The following DSCAM variants were observed in gnomAD, a reference collection of about 807,000 sequenced individuals.
The protein encoded by DSCAM is cell adhesion molecule DSCAM.
Under a neutral mutation model 217.7 loss-of-function variants are expected in DSCAM, and 47 were observed. The ratio of observed to expected loss-of-function variants is 0.22; its 90% CI spans 0.17 to 0.28. DSCAM has a LOEUF of 0.28. DSCAM is among the 10% of genes least tolerant of loss of function. The pLI, the probability that DSCAM is intolerant of heterozygous loss-of-function variation, is 1.00. For missense variants in DSCAM, 2,080 were observed against 2,618.3 expected (o/e 0.79, Z 4.49); for synonymous variants, 1,056 against 1,015.3 (o/e 1.04, Z -0.76).
intron 16 of DSCAM, among the ~76,000 whole-genome samples, chr21:40,153,552 C>T (rs192589692): frequency 3.9e-5 from 6 of 152,156 alleles, no homozygotes; most frequent in Admixed American, 1.3e-4. Context: ...GGGTGGGGGA[C>T]GGTACAAGCA....
intron 6 of DSCAM, among the ~76,000 whole-genome samples, chr21:40,339,849 T>C (rs1262926583): frequency 2.6e-5 from 1 of 38,572 alleles, no homozygotes; most frequent in African/African-American, 6.0e-5. Flanking sequence ...AAAACAGCAA[T>C]TACTTTTGCA....
At chr21:40,794,722 C>A (rs2091676197) in intron 1 of DSCAM, among the ~76,000 whole-genome samples, 1 of 150,156 alleles carries the variant, frequency 6.7e-6, no homozygotes, top group African/African-American at 2.5e-5. Context: ...GATAGCTGGT[C>A]TGCAAATTAT....
chr21:40,439,274 G>T (rs1298262020), intron 3 of DSCAM, among the ~76,000 whole-genome samples: 2 of 152,162 alleles, frequency 1.3e-5, no homozygotes, highest in African/African-American at 4.8e-5. Context: ...CATATACACA[G>T]GCAAAACAGA....
chr21:40,495,807 GAACT>G (rs1243849892), intron 3 of DSCAM, among the ~76,000 whole-genome samples: 1 of 151,788 alleles, frequency 6.6e-6, no homozygotes, highest in African/African-American at 2.4e-5. Flanking sequence ...AAAACTATTA[GAACT>G]AATAGATAAA....
intron 11 of DSCAM, among the ~76,000 whole-genome samples, chr21:40,249,022 C>A (rs1454226266): frequency 6.6e-6 from 1 of 152,190 alleles, no homozygotes; most frequent in Non-Finnish European, 1.5e-5. Context: ...GAAAGACTGA[C>A]CCCCATGATT....
intron 3 of DSCAM, among the ~76,000 whole-genome samples, chr21:40,486,478 A>G (rs1444876338): frequency 6.6e-6 from 1 of 151,970 alleles, no homozygotes; most frequent in African/African-American, 2.4e-5. Flanking sequence ...AGAAAAAGAG[A>G]AAGAAAAGAG....
chr21:40,786,005 G>C lies in DSCAM; in HGVS notation c.43+60614C>G, dbSNP rs187287988. ...TAATCCCAGCACTTTGGGAGGCCGA[G>C]GTGGGCAGATCACCTGAGGTCAGGA... On this transcript the variant is annotated intron_variant, in intron 1 of 32. Transcript: ENST00000400454. Among the ~76,000 whole-genome samples the C allele has an allele frequency of 1.4e-4, 21 of 152,256 alleles. No homozygotes were observed. In the East Asian group the frequency reaches 3.9e-3, roughly 28 times the overall value.
chr21:40,187,359 A>G, intron 13 of DSCAM, 100 bp from the exon 14 acceptor site: 3 of 1,428,310 alleles, frequency 2.1e-6, no homozygotes, highest in Non-Finnish European at 2.8e-6. Context: ...ATTTGTCTGC[A>G]TTAGACAAGA....
Position 40,356,359 on chromosome 21 carries a change from G to T in DSCAM, c.656-2616C>A, listed in dbSNP as rs2074692901. 2.0e-5 allele frequency among the ~76,000 whole-genome samples: 3 copies of T among 147,770 alleles called. No homozygotes were observed. In the South Asian group the frequency reaches 6.6e-4, roughly 33 times the overall value. On this transcript the variant is annotated intron_variant, in intron 4 of 32. Coordinates refer to ENST00000400454, the MANE Select transcript of DSCAM (RefSeq NM_001389.5). ...CACACACAAATGTTAACTATGTGAG[G>T]CAATAGATATGTTATTTTGCTTGAT...
intron 1 of DSCAM, among the ~76,000 whole-genome samples, chr21:40,800,712 T>C (rs13046703): frequency 2.2e-5 from 3 of 137,874 alleles, no homozygotes; most frequent in African/African-American, 9.2e-5. Flanking sequence ...TCTTTCTTAC[T>C]TTCTTTTTTT....
chr21:40,373,896 AAG>A (rs2074924234), intron 3 of DSCAM, among the ~76,000 whole-genome samples: 1 of 152,214 alleles, frequency 6.6e-6, no homozygotes, highest in Non-Finnish European at 1.5e-5. Flanking sequence ...ATCTAGAAAA[AAG>A]AGAGATGATG....
chr21:40,393,521 A>G (rs1444073365), intron 3 of DSCAM, among the ~76,000 whole-genome samples: 1 of 152,206 alleles, frequency 6.6e-6, no homozygotes, highest in African/African-American at 2.4e-5. Context: ...ATTTTATAAA[A>G]CTTTAACTTA....
intron 3 of DSCAM, among the ~76,000 whole-genome samples, chr21:40,634,278 G>C (rs1264693538): frequency 6.6e-6 from 1 of 152,156 alleles, no homozygotes; most frequent in Non-Finnish European, 1.5e-5. Flanking sequence ...TGTTCCTCTT[G>C]TTCTGTCCGT....
intron 12 of DSCAM, 47 bp from the exon 13 acceptor site, chr21:40,188,034 G>T: frequency 2.0e-6 from 3 of 1,487,536 alleles, no homozygotes; most frequent in South Asian, 2.4e-5. Flanking sequence ...TAGGCAAAAT[G>T]ACTTTGAGCC....
chr21:40,784,848 G>T (rs955207938), intron 1 of DSCAM, among the ~76,000 whole-genome samples: 1 of 152,206 alleles, frequency 6.6e-6, no homozygotes, highest in Non-Finnish European at 1.5e-5. Context: ...CCAGTACTGT[G>T]GGGGGAGAAT....
At chr21:40,173,799 T>C (rs144988818) in intron 15 of DSCAM, among the ~76,000 whole-genome samples, 14 of 152,258 alleles carry the variant, frequency 9.2e-5, no homozygotes, top group Middle Eastern at 3.4e-3. Context: ...GCCAGATTCA[T>C]TGGAAACCCA....
intron 3 of DSCAM, among the ~76,000 whole-genome samples, chr21:40,537,541 T>A (rs2076508989): frequency 6.6e-6 from 1 of 152,148 alleles, no homozygotes; most frequent in Admixed American, 6.5e-5. Flanking sequence ...AGTACCTCTG[T>A]CCTTATTTGG....
chr21:40,353,651 C>T lies in DSCAM; in HGVS notation c.748G>A (p.Gly250Arg). The part of the protein sequence containing the change: ...QRVELPCKAL[G>R]HPEPDYRWLK... ...CAGCGGTAATCTGGCTCAGGGTGCC[C>T]GAGCGCTTTGCAAGGCAGCTCCACA... The change falls in exon 5 of 33, where the codon GGG becomes AGG. Residue 250 changes from glycine (G) to arginine (R), a missense_variant. Physicochemically the swap from Gly to Arg is moderately radical, Grantham distance 125. Around this residue, in one of 5 missense-constraint regions of DSCAM, gnomAD observed 568 missense variants for 678.1 expected, o/e 0.84. Coordinates refer to ENST00000400454, the MANE Select transcript of DSCAM (RefSeq NM_001389.5). 1 of 1,611,550 alleles carries T rather than the reference C, an allele frequency of 6.2e-7. No homozygotes were observed.
At position 40,715,459 on chromosome 21, in the gene DSCAM, T is replaced by C. The variant is rs146985589; in HGVS notation, c.44-6688A>G. The stretch of plus-strand genomic sequence containing the variant: ...ATTGCCAAAAGGTGGCAGAGAAAAA[T>C]ACATTTTGTACAAGCGATAGCTCTT... On this transcript the variant is annotated intron_variant, in intron 1 of 32. Transcript: ENST00000400454. Among the ~76,000 whole-genome samples the C allele has an allele frequency of 3.5e-3, 526 of 152,182 alleles. 2 individuals are homozygous for C. Among genetic ancestry groups the C allele is most frequent in the African/African-American group, 0.012 (513 of 41,522 alleles).
Sources: allele counts gnomAD v4.1 joint callset (sites outside exome capture counted in the v4.1 genomes callset), GRCh38; gene constraint gnomAD v4.1.1; regional missense constraint gnomAD v4.1.1; transcripts MANE v1.5; gene names NCBI Gene and HGNC (gene_info 2026-07-23, HGNC 2026-07-21).